The following EPHB1 variants were observed in gnomAD, a reference collection of about 807,000 sequenced individuals.
The protein encoded by EPHB1 is EPH receptor B1, also known as ephrin type-B receptor 1.
In EPHB1, 30 loss-of-function variants were observed where a neutral mutation model predicts 94.4. The ratio of observed to expected loss-of-function variants is 0.32; its 90% CI spans 0.24 to 0.43. The LOEUF (loss-of-function observed/expected upper bound fraction) is 0.43. Ranked by LOEUF, EPHB1 falls within the 20% of genes least tolerant of loss-of-function variation. EPHB1 has a pLI of 1.00. For missense variants in EPHB1, 1,055 were observed against 1,308.3 expected (o/e 0.81, Z 2.99); for synonymous variants, 522 against 489.1 (o/e 1.07, Z -0.89).
chr3:135,017,930 C>T lies in EPHB1; in HGVS notation c.805+65878C>T, dbSNP rs888129455. 7.9e-5 allele frequency among the ~76,000 whole-genome samples: 12 copies of T among 152,144 alleles called. No homozygotes were observed. The East Asian group carries it at 9.7e-4, about 12-fold the overall frequency. On this transcript the variant is annotated intron_variant, in intron 3 of 15. Transcript: ENST00000398015. ...AAACATTCAGAGACATTGAGGTTGTCGCACTATGACCTTTCACTGCAGCTG... is the reference window on the plus strand; with the variant it reads ...AAACATTCAGAGACATTGAGGTTGTTGCACTATGACCTTTCACTGCAGCTG...
chr3:134,836,511 G>A (rs898339527), intron 1 of EPHB1, among the ~76,000 whole-genome samples: 3 of 152,096 alleles, frequency 2.0e-5, no homozygotes, highest in South Asian at 2.1e-4. Context: ...TATATATGAC[G>A]TGATATATAC....
In EPHB1 at chr3:134,899,112, A is replaced by C. The variant is rs139099144; in HGVS notation, c.59-26704A>C. Among the ~76,000 whole-genome samples the C allele has an allele frequency of 7.1e-4, 108 of 152,192 alleles. 1 individual carries two copies. In the East Asian group the frequency reaches 0.019, roughly 27 times the overall value. ...CCCAGTGTGCTGGACTGTGGGGTGG[A>C]GGAGGAGACATGGATTCATGGGCTT... On this transcript the variant is annotated intron_variant, in intron 1 of 15. Coordinates refer to ENST00000398015, the MANE Select transcript of EPHB1 (RefSeq NM_004441.5).
At chr3:135,031,554 C>T (rs1457447564) in intron 3 of EPHB1, among the ~76,000 whole-genome samples, 1 of 152,224 alleles carries the variant, frequency 6.6e-6, no homozygotes, top group African/African-American at 2.4e-5. Context: ...AAGTGATCTG[C>T]CTGCCTGGAT....
chr3:135,186,877 C>T (rs1942343765), intron 10 of EPHB1, among the ~76,000 whole-genome samples: 1 of 152,106 alleles, frequency 6.6e-6, no homozygotes, highest in Non-Finnish European at 1.5e-5. Context: ...TTAAATTACC[C>T]TCAGCTGACA....
At chr3:134,906,998 A>G (rs540923526) in intron 1 of EPHB1, among the ~76,000 whole-genome samples, 1 of 152,368 alleles carries the variant, frequency 6.6e-6, no homozygotes, top group South Asian at 2.1e-4. Context: ...TCTAATGGCT[A>G]GACAAGTGCT....
chr3:135,217,009 G>A (rs1943163844), intron 12 of EPHB1, among the ~76,000 whole-genome samples: 2 of 152,102 alleles, frequency 1.3e-5, no homozygotes, highest in South Asian at 4.1e-4. Flanking sequence ...TCTTTTCTCG[G>A]CAGGGAACTT....
intron 1 of EPHB1, among the ~76,000 whole-genome samples, chr3:134,907,074 A>G (rs1377934186): frequency 6.6e-6 from 1 of 152,228 alleles, no homozygotes; most frequent in African/African-American, 2.4e-5. Flanking sequence ...TTGATAAGTG[A>G]TTATTATGGG....
At chr3:134,834,596 T>C (rs1414650044) in intron 1 of EPHB1, among the ~76,000 whole-genome samples, 1 of 152,188 alleles carries the variant, frequency 6.6e-6, no homozygotes, top group Non-Finnish European at 1.5e-5. Context: ...TGCTTTGACA[T>C]CTTTTTATGT....
chr3:135,079,612 C>T (rs944041409), intron 3 of EPHB1, among the ~76,000 whole-genome samples: 1 of 152,158 alleles, frequency 6.6e-6, no homozygotes, highest in South Asian at 2.1e-4. Context: ...TGGAGTCCTG[C>T]CGTCCTGAGC....
At chr3:135,241,342 G>T in intron 13 of EPHB1, 45 bp downstream of exon 13, 1 of 1,610,164 alleles carries the variant, frequency 6.2e-7, no homozygotes, top group Non-Finnish European at 8.5e-7. Context: ...CCATTGAAGG[G>T]ATCCCAAAGG....
rs1019594202 is a variant in EPHB1, at chr3:134,951,846, T to G, written c.599T>G (p.Val200Gly). Residue 200 changes from valine (V) to glycine (G), a missense_variant, in exon 3 of 16, where the codon GTG (valine) becomes GGG (glycine). By Grantham distance (109) the Val-to-Gly change is moderately radical. Transcript: ENST00000398015. The surrounding 1 kb of genome is among the most constrained non-coding windows in gnomAD (Gnocchi z 4.5). ...RVFFKKCPSI[V>G]QNFAVFPETM... ...TTCTTCAAAAAGTGTCCCAGCATTG[T>G]GCAAAATTTTGCAGTGTTTCCAGAG... The G allele has an allele frequency of 5.0e-6, 8 of 1,614,058 alleles. No homozygotes were observed. Among genetic ancestry groups the G allele is most frequent in the Non-Finnish European group, 5.9e-6 (7 of 1,179,906 alleles).
intron 3 of EPHB1, among the ~76,000 whole-genome samples, chr3:135,098,475 GATTT>G (rs1938893897): frequency 6.6e-6 from 1 of 152,046 alleles, no homozygotes; most frequent in Admixed American, 6.5e-5. Context: ...AATGTTGCAT[GATTT>G]ATTTAGTCAA....
At chr3:135,027,632 G>T (rs1936238593) in intron 3 of EPHB1, among the ~76,000 whole-genome samples, 1 of 151,598 alleles carries the variant, frequency 6.6e-6, no homozygotes, top group African/African-American at 2.4e-5. Context: ...TTTTATTGAG[G>T]ATTTTTGCAT....
intron 12 of EPHB1, among the ~76,000 whole-genome samples, chr3:135,240,283 C>T (rs1943749857): frequency 6.6e-6 from 1 of 152,164 alleles, no homozygotes; most frequent in Admixed American, 6.5e-5. Context: ...CAGGACCTGG[C>T]ACAAAGTGGT....
At chr3:134,999,020 G>T (rs1011006855) in intron 3 of EPHB1, among the ~76,000 whole-genome samples, 2 of 152,122 alleles carry the variant, frequency 1.3e-5, no homozygotes, top group Admixed American at 6.5e-5. Flanking sequence ...AGGCTGACTG[G>T]GCTGGGAAGA....
At chr3:135,085,256 C>A (rs1938313153) in intron 3 of EPHB1, among the ~76,000 whole-genome samples, 1 of 152,142 alleles carries the variant, frequency 6.6e-6, no homozygotes, top group South Asian at 2.1e-4. Flanking sequence ...TTGAGGAATT[C>A]CTAAAGGGAA....
At chr3:134,930,703 G>T (rs2038889469) in intron 2 of EPHB1, among the ~76,000 whole-genome samples, 1 of 152,194 alleles carries the variant, frequency 6.6e-6, no homozygotes, top group African/African-American at 2.4e-5. Context: ...GTTCCTAGAT[G>T]CTCCCTGGCC....
intron 14 of EPHB1, 108 bp from the exon 15 acceptor site, chr3:135,249,228 A>G (rs1279329234): frequency 1.2e-5 from 16 of 1,306,900 alleles, no homozygotes; most frequent in Non-Finnish European, 1.7e-5. Flanking sequence ...TATAATCCTC[A>G]TTCCATCAGG....
intron 5 of EPHB1, among the ~76,000 whole-genome samples, chr3:135,145,113 A>T (rs891284488): frequency 6.6e-6 from 1 of 152,194 alleles, no homozygotes; most frequent in Non-Finnish European, 1.5e-5. Context: ...ATTCAAGCAT[A>T]TTTGGGCAAT....
Sources: gnomAD v4.1 joint callset for allele counts (sites outside exome capture counted in the v4.1 genomes callset) on GRCh38, gnomAD v4.1.1 for gene constraint, Gnocchi (gnomAD v3.1) non-coding constraint, MANE v1.5 for transcripts, NCBI Gene and HGNC (gene_info 2026-07-23, HGNC 2026-07-21) for gene names.